CPLANE1: variants seen among roughly 807,000 people sequenced by gnomAD.
CPLANE1 encodes ciliogenesis and planar polarity effector complex subunit 1.
In CPLANE1, 263 loss-of-function variants were observed where a neutral mutation model predicts 362.5. The observed-to-expected ratio is 0.73, with a 90% confidence interval of 0.66 to 0.80. The LOEUF is 0.80. Among genes scored for constraint, CPLANE1 ranks in the 30% least tolerant of loss-of-function variants. The pLI is 0.00. For missense variants in CPLANE1, 3,461 were observed against 3,793.4 expected (o/e 0.91, Z 2.30); for synonymous variants, 1,212 against 1,302.6 (o/e 0.93, Z 1.50).
chr5:37,098,984 A>G, the CPLANE1 span, among the ~76,000 whole-genome samples: 1 of 151,866 alleles, frequency 6.6e-6, no homozygotes, highest in Non-Finnish European at 1.5e-5. Flanking sequence ...ATGAACCTTA[A>G]GGAACTAAAA....
the CPLANE1 span, among the ~76,000 whole-genome samples, chr5:37,094,013 G>A: frequency 2.2e-5 from 1 of 45,038 alleles, no homozygotes; most frequent in Admixed American, 1.8e-4. Context: ...GAGGGGTGGA[G>A]CGCTGGCAGT....
intron 7 of CPLANE1, among the ~76,000 whole-genome samples, chr5:37,239,252 C>T (rs552781691): frequency 6.6e-6 from 1 of 152,158 alleles, no homozygotes; most frequent in East Asian, 1.9e-4. Flanking sequence ...TACCAATCCA[C>T]AATGTCAAAT....
At chr5:37,140,581 C>G (rs1396110935) in intron 44 of CPLANE1, 1 of 985,248 alleles carries the variant, frequency 1.0e-6, no homozygotes, top group African/African-American at 1.7e-5. Context: ...GAGACACTTT[C>G]TATCAGTATT....
At chr5:37,176,165 CA>C in intron 30 of CPLANE1, 179 bp from the exon 31 acceptor site, 1 of 464,898 alleles carries the variant, frequency 2.2e-6, no homozygotes, top group Non-Finnish European at 3.8e-6. Context: ...CAGATCTAAG[CA>C]AAAGCAAAAA....
Position 37,187,491 on chromosome 5 carries a change from A to C in CPLANE1, c.4003T>G (p.Ser1335Ala). ...AGTTCTTCCATATTAAAAAACCGAGAGAAAGGCAGCATTCTATAAGCCCAT... is the reference window on the plus strand; with the variant it reads ...AGTTCTTCCATATTAAAAAACCGAGCGAAAGGCAGCATTCTATAAGCCCAT... Reference protein sequence around the residue: ...VEWAYRMLPFSRFFNMEELIQ... With the variant: ...VEWAYRMLPFARFFNMEELIQ... The change falls in exon 23 of 53, where the codon TCT becomes GCT. Residue 1335 changes from serine to alanine, a missense_variant. Ser to Ala is a moderately conservative substitution (Grantham distance 99). Transcript: ENST00000651892. 11 of 1,613,844 alleles carry C rather than the reference A, an allele frequency of 6.8e-6. No homozygotes were observed. Among genetic ancestry groups the C allele is most frequent in the East Asian group, 2.2e-5 (1 of 44,854 alleles).
intron 46 of CPLANE1, among the ~76,000 whole-genome samples, chr5:37,128,266 TA>T (rs1238846882): frequency 2.0e-5 from 3 of 152,204 alleles, no homozygotes; most frequent in Non-Finnish European, 4.4e-5. Context: ...GTCACCCAAG[TA>T]AAAAAGCTGT....
At chr5:37,087,634 T>G in the CPLANE1 span, among the ~76,000 whole-genome samples, 2 of 152,094 alleles carry the variant, frequency 1.3e-5, no homozygotes, top group Non-Finnish European at 2.9e-5. Context: ...TTTTTTGTAT[T>G]TTTAGTAGAG....
In CPLANE1 at chr5:37,108,312, C is replaced by T. The variant is rs756312234; in HGVS notation, c.9560G>A (p.Ser3187Asn). 1.2e-6 allele frequency: 2 copies of T among 1,614,034 alleles called. No individual in the cohort carries two copies. Among genetic ancestry groups the T allele is most frequent in the South Asian group, 2.2e-5 (2 of 91,056 alleles). The change falls in exon 52 of 53, where the codon AGT becomes AAT. Residue 3187 changes from serine to asparagine, a missense_variant. Physicochemically the swap from Ser to Asn is conservative, Grantham distance 46. This residue lies in a region of CPLANE1 where 81 missense variants were observed against 127.3 expected (regional missense o/e 0.64). Transcript: ENST00000651892. ...PSEIHKILHE[S>N]HNSLLQDLSP... ...GCTTACTTGTAGAAGGGAATTGTGA[C>T]TCTCATGAAGAATCTTATGGATTTC...
At chr5:37,227,183 T>C in intron 11 of CPLANE1, 60 bp downstream of exon 11, 4 of 1,526,494 alleles carry the variant, frequency 2.6e-6, no homozygotes, top group Non-Finnish European at 3.5e-6. Flanking sequence ...AAAAACAGAA[T>C]ATGTTTCTTG....
intron 37 of CPLANE1, 74 bp from the exon 38 acceptor site, chr5:37,162,640 C>T: frequency 9.9e-7 from 1 of 1,012,894 alleles, no homozygotes; most frequent in Non-Finnish European, 1.5e-6. Context: ...AGCACAGTAC[C>T]TAACTCAATG....
chr5:37,098,708 A>G, the CPLANE1 span, among the ~76,000 whole-genome samples: 1 of 151,990 alleles, frequency 6.6e-6, no homozygotes, highest in African/African-American at 2.4e-5. Context: ...ATGGAATAAA[A>G]CAGACATTAA....
intron 50 of CPLANE1, among the ~76,000 whole-genome samples, chr5:37,118,433 A>T (rs1761673852): frequency 6.6e-6 from 1 of 151,330 alleles, no homozygotes; most frequent in Non-Finnish European, 1.5e-5. Flanking sequence ...AGAGCTAACC[A>T]AACCACGAAG....
chr5:37,209,714 C>T lies in CPLANE1; in HGVS notation c.2921-3289G>A. The T allele has an allele frequency of 8.1e-7, 1 of 1,233,346 alleles. No individual in the cohort carries two copies. Among genetic ancestry groups the T allele is most frequent in the Non-Finnish European group, 1.2e-6 (1 of 835,456 alleles). The allele number at this position is 1,233,346 out of a possible 1,614,324, so 76.4% of individuals were successfully genotyped here. ...AGGATCTATTACAACTCATTAAAATCAACCCTACTTCCAGTCTGTACAAAT... is the reference window on the plus strand; with the variant it reads ...AGGATCTATTACAACTCATTAAAATTAACCCTACTTCCAGTCTGTACAAAT... On this transcript the variant is annotated intron_variant, in intron 16 of 52. Transcript: ENST00000651892. This position sits in a 1 kb window ranked among gnomAD's most constrained non-coding sequence, Gnocchi z 4.6.
intron 19 of CPLANE1, among the ~76,000 whole-genome samples, chr5:37,200,200 T>A (rs1331801115): frequency 6.6e-6 from 1 of 152,178 alleles, no homozygotes; most frequent in Non-Finnish European, 1.5e-5. Flanking sequence ...TTTAAACCAT[T>A]TTGACCAAGT....
rs751387885 is a variant in CPLANE1, at chr5:37,183,112, T to C, written c.5069A>G (p.Asp1690Gly). 1.2e-6 allele frequency: 2 copies of C among 1,613,294 alleles called. No homozygotes were observed. The highest frequency in any genetic ancestry group is 8.5e-7 in the Non-Finnish European group (1 of 1,179,758). ...LKQRSIYKIQDDTREKCLIQR... is the reference protein window; with the variant it reads ...LKQRSIYKIQGDTREKCLIQR... The stretch of plus-strand genomic sequence containing the variant: ...GATTAGACATTTCTCTCTAGTGTCA[T>C]CTTGTATTTTGTAAATTGACCTTTG... The change falls in exon 26 of 53, where the codon GAT becomes GGT. Residue 1690 changes from aspartate (D) to glycine (G), a missense_variant. Coordinates refer to ENST00000651892, the MANE Select transcript of CPLANE1 (RefSeq NM_001384732.1).
intron 38 of CPLANE1, 98 bp from the exon 39 acceptor site, chr5:37,158,443 A>G (rs1775816127): frequency 5.0e-6 from 6 of 1,192,686 alleles, no homozygotes; most frequent in Non-Finnish European, 6.9e-6. Context: ...AACAAACAAC[A>G]TAAATTGTAC....
intron 32 of CPLANE1, among the ~76,000 whole-genome samples, chr5:37,170,855 G>A (rs1326315539): frequency 6.6e-6 from 1 of 152,210 alleles, no homozygotes; most frequent in Non-Finnish European, 1.5e-5. Flanking sequence ...AGAATCGCTT[G>A]AACCAGGGAG....
chr5:37,244,267 A>G (rs1738732763), intron 5 of CPLANE1, 108 bp downstream of exon 5: 1 of 629,036 alleles, frequency 1.6e-6, no homozygotes, highest in Non-Finnish European at 2.5e-6. Flanking sequence ...TTTCCATACA[A>G]GAATTTCACA....
intron 51 of CPLANE1, among the ~76,000 whole-genome samples, chr5:37,112,351 T>C (rs1358636876): frequency 6.6e-6 from 1 of 152,200 alleles, no homozygotes; most frequent in Non-Finnish European, 1.5e-5. Context: ...CAGATCATAA[T>C]GCATTTTTCC....
Sources: allele counts gnomAD v4.1 joint callset (sites outside exome capture counted in the v4.1 genomes callset), GRCh38; gene constraint gnomAD v4.1.1; regional missense constraint gnomAD v4.1.1; non-coding constraint Gnocchi (gnomAD v3.1); transcripts MANE v1.5; gene names NCBI Gene and HGNC (gene_info 2026-07-23, HGNC 2026-07-21).